The following CLOCK variants were observed in gnomAD, a reference collection of about 807,000 sequenced individuals.
CLOCK encodes the protein clock circadian regulator.
CLOCK carries 43 observed loss-of-function variants against 118.4 expected under a neutral mutation model. That is an observed-to-expected ratio of 0.36 (90% CI 0.28 to 0.47). The LOEUF is 0.47. CLOCK is among the 20% of genes least tolerant of loss of function. The pLI is 1.00. For synonymous variants in CLOCK, 326 were observed against 339.2 expected (o/e 0.96, Z 0.43); for missense variants, 846 against 999.9 (o/e 0.85, Z 2.08).
intron 7 of CLOCK, among the ~76,000 whole-genome samples, chr4:55,475,445 A>G (rs1338739032): frequency 6.6e-6 from 1 of 152,252 alleles, no homozygotes; most frequent in East Asian, 1.9e-4. Context: ...ATAGAGCAGC[A>G]GCAGGGTTTG....
chr4:55,468,361 C>G (rs988046165), intron 8 of CLOCK, among the ~76,000 whole-genome samples: 10 of 152,098 alleles, frequency 6.6e-5, no homozygotes, highest in Non-Finnish European at 1.2e-4. Flanking sequence ...AAACTCCCCC[C>G]AAAAGCCTAT....
chr4:55,449,954 C>A, intron 16 of CLOCK, 137 bp downstream of exon 16: 1 of 1,080,146 alleles, frequency 9.3e-7, no homozygotes, highest in South Asian at 1.4e-5. Context: ...CTTTAACTCA[C>A]TGGAAAGGTT....
At chr4:55,451,199 C>T (rs1190186352) in intron 15 of CLOCK, among the ~76,000 whole-genome samples, 2 of 152,138 alleles carry the variant, frequency 1.3e-5, no homozygotes, top group East Asian at 3.9e-4. Flanking sequence ...TGCTTTCACC[C>T]ACACTGCTAC....
chr4:55,509,263 T>C (rs1728995300), intron 2 of CLOCK, among the ~76,000 whole-genome samples: 1 of 152,252 alleles, frequency 6.6e-6, no homozygotes, highest in Admixed American at 6.5e-5. Flanking sequence ...ACTGCTGCTA[T>C]AGCCTAAAAG....
intron 22 of CLOCK, among the ~76,000 whole-genome samples, chr4:55,437,830 C>G (rs1723009350): frequency 6.6e-6 from 1 of 152,138 alleles, no homozygotes; most frequent in African/African-American, 2.4e-5. Context: ...TATTTCTCCT[C>G]TGATATTAAT....
chr4:55,541,114 T>G (rs1401727273), intron 1 of CLOCK, among the ~76,000 whole-genome samples: 3 of 152,200 alleles, frequency 2.0e-5, no homozygotes, highest in Non-Finnish European at 4.4e-5. Flanking sequence ...GAGTTGAGGC[T>G]ATAAGAGTAA....
At chr4:55,486,581 T>C (rs1452287474) in intron 3 of CLOCK, 1 of 152,188 alleles carries the variant, frequency 6.6e-6, no homozygotes, top group African/African-American at 2.4e-5. Flanking sequence ...GTAAATTTTT[T>C]AAGGCTTCGT....
chr4:55,462,587 CCTTT>C (rs748058157), intron 9 of CLOCK, among the ~76,000 whole-genome samples: 56 of 152,132 alleles, frequency 3.7e-4, no homozygotes, highest in African/African-American at 1.4e-3. Flanking sequence ...CTGGCTTCCA[CCTTT>C]CTAATTTTTC....
rs1443337096 is a variant in CLOCK, at chr4:55,434,284, T to TA, written c.*1130dup. The stretch of plus-strand genomic sequence containing the variant: ...GAAGCATTGAAATTGTGAAGGATAA[T>TA]AAAAAAGATTTCAACAAATCCCAAA... On this transcript the variant is annotated 3_prime_UTR_variant, in exon 23 of 23. Transcript: ENST00000513440. 2.0e-5 allele frequency: 3 copies of TA among 152,676 alleles called. No individual in the cohort carries two copies. Among genetic ancestry groups the TA allele is most frequent in the East Asian group, 3.9e-4 (2 of 5,180 alleles). The allele number at this position is 152,676 out of a possible 1,614,324, so 9.5% of individuals were successfully genotyped here.
chr4:55,437,227 A>T (rs1299029694), intron 22 of CLOCK, among the ~76,000 whole-genome samples: 1 of 152,220 alleles, frequency 6.6e-6, no homozygotes, highest in Non-Finnish European at 1.5e-5. Flanking sequence ...AAAGGGTGAC[A>T]AATTAAGACT....
intron 3 of CLOCK, among the ~76,000 whole-genome samples, chr4:55,485,462 A>C (rs552604103): frequency 1.3e-5 from 2 of 152,332 alleles, no homozygotes; most frequent in South Asian, 4.1e-4. Context: ...GAACAGCCAA[A>C]ATACTTTGTT....
rs568706962 is a variant in CLOCK, at chr4:55,541,103, A to G, written c.-290+5679T>C. On this transcript the variant is annotated intron_variant, in intron 1 of 22. Transcript: ENST00000513440. Reference sequence around the variant, plus strand: ...AAATATCCAACTAAAGTAATAACTCAGAGTTGAGGCTATAAGAGTAAGTTT... The same window carrying G: ...AAATATCCAACTAAAGTAATAACTCGGAGTTGAGGCTATAAGAGTAAGTTT... 1.2e-4 allele frequency among the ~76,000 whole-genome samples: 19 copies of G among 152,354 alleles called. No individual in the cohort carries two copies. The South Asian group carries it at 3.5e-3, about 28-fold the overall frequency.
At chr4:55,527,369 TC>T (rs1730272812) in intron 1 of CLOCK, among the ~76,000 whole-genome samples, 1 of 152,142 alleles carries the variant, frequency 6.6e-6, no homozygotes, top group African/African-American at 2.4e-5. Context: ...GTTTAAAACA[TC>T]CTGTAAAAAC....
chr4:55,526,605 G>A (rs140655557), intron 1 of CLOCK, among the ~76,000 whole-genome samples: 145 of 152,134 alleles, frequency 9.5e-4, no homozygotes, highest in Non-Finnish European at 1.7e-3. Context: ...TCATACTACT[G>A]TGTCTGCCCC....
At chr4:55,512,410 C>T (rs1440192432) in intron 1 of CLOCK, among the ~76,000 whole-genome samples, 1 of 151,920 alleles carries the variant, frequency 6.6e-6, no homozygotes, top group African/African-American at 2.4e-5. Context: ...TGTACCTGGC[C>T]CATTTTTTAA....
intron 11 of CLOCK, among the ~76,000 whole-genome samples, chr4:55,457,183 C>G (rs1325942945): frequency 1.3e-5 from 2 of 151,948 alleles, no homozygotes; most frequent in African/African-American, 2.4e-5. Flanking sequence ...TCATACATCT[C>G]AAATTCAATA....
chr4:55,522,205 G>A (rs1258723787), intron 1 of CLOCK, among the ~76,000 whole-genome samples: 1 of 151,938 alleles, frequency 6.6e-6, no homozygotes. Flanking sequence ...TATCTATAGA[G>A]GAGAAAATAA....
At chr4:55,543,637 T>A (rs919331538) in intron 1 of CLOCK, among the ~76,000 whole-genome samples, 1 of 141,356 alleles carries the variant, frequency 7.1e-6, no homozygotes, top group Non-Finnish European at 1.6e-5. Flanking sequence ...TCAATTTACT[T>A]CTGTAATTTT....
At chr4:55,462,431 C>T (rs1183523743) in intron 9 of CLOCK, among the ~76,000 whole-genome samples, 3 of 152,138 alleles carry the variant, frequency 2.0e-5, no homozygotes, top group Non-Finnish European at 4.4e-5. Flanking sequence ...GGACTACAGG[C>T]ATGCACCACC....
Sources: allele counts gnomAD v4.1 joint callset (sites outside exome capture counted in the v4.1 genomes callset), GRCh38; gene constraint gnomAD v4.1.1; transcripts MANE v1.5; gene names NCBI Gene and HGNC (gene_info 2026-07-23, HGNC 2026-07-21).